The following TRPC4 variants were observed in gnomAD, a reference collection of about 807,000 sequenced individuals.
TRPC4 encodes transient receptor potential cation channel subfamily C member 4.
TRPC4 carries 49 observed loss-of-function variants against 99.4 expected under a neutral mutation model. The observed-to-expected ratio is 0.49, with a 90% CI of 0.39 to 0.63. TRPC4 has a LOEUF of 0.63. Among genes scored for constraint, TRPC4 ranks in the 20% least tolerant of loss-of-function variants. The probability of loss-of-function intolerance (pLI) is 0.00; values close to 1 mark genes in which losing one functional copy is unlikely to be tolerated. For synonymous variants in TRPC4, 454 were observed against 425.9 expected (o/e 1.07, Z -0.81); for missense variants, 898 against 1,152.9 (o/e 0.78, Z 3.20).
chr13:37,834,277 A>G (rs1284958698), intron 1 of TRPC4, among the ~76,000 whole-genome samples: 1 of 152,168 alleles, frequency 6.6e-6, no homozygotes, highest in East Asian at 1.9e-4. Context: ...TCCAAATTCT[A>G]ATTGTTTCCT....
At chr13:37,760,861 A>C (rs1686587659) in intron 2 of TRPC4, among the ~76,000 whole-genome samples, 1 of 151,986 alleles carries the variant, frequency 6.6e-6, no homozygotes, top group South Asian at 2.1e-4. Flanking sequence ...AATAATGATA[A>C]CTTAATATCA....
chr13:37,858,831 A>C, intron 1 of TRPC4, among the ~76,000 whole-genome samples: 1 of 151,332 alleles, frequency 6.6e-6, no homozygotes, highest in East Asian at 1.9e-4. Flanking sequence ...ATGAGCACAA[A>C]AAATAGTTTG....
chr13:37,787,594 T>C (rs1957004584), intron 1 of TRPC4, among the ~76,000 whole-genome samples: 1 of 152,068 alleles, frequency 6.6e-6, no homozygotes, highest in Non-Finnish European at 1.5e-5. Context: ...ATATTGCATA[T>C]GACTGAACTG....
intron 3 of TRPC4, among the ~76,000 whole-genome samples, chr13:37,725,710 C>T (rs1337236420): frequency 6.6e-6 from 1 of 152,076 alleles, no homozygotes; most frequent in African/African-American, 2.4e-5. Context: ...GTCAATCATA[C>T]CTCAAGAAAG....
chr13:37,788,716 TATC>T (rs1957032821), intron 1 of TRPC4, among the ~76,000 whole-genome samples: 1 of 152,062 alleles, frequency 6.6e-6, no homozygotes, highest in African/African-American at 2.4e-5. Context: ...TCCCTATTCT[TATC>T]ATCACTTGCT....
At chr13:37,807,016 G>T (rs934455882) in intron 1 of TRPC4, among the ~76,000 whole-genome samples, 2 of 152,122 alleles carry the variant, frequency 1.3e-5, no homozygotes, top group African/African-American at 4.8e-5. Context: ...TGTCCATGAA[G>T]AAATCTTTAG....
At chr13:37,814,758 A>T (rs928154208) in intron 1 of TRPC4, among the ~76,000 whole-genome samples, 1 of 151,816 alleles carries the variant, frequency 6.6e-6, no homozygotes, top group Non-Finnish European at 1.5e-5. Context: ...ACTAATCATC[A>T]AATTGATCTA....
chr13:37,780,308 AT>A (rs1242242358), intron 2 of TRPC4, among the ~76,000 whole-genome samples: 3 of 151,950 alleles, frequency 2.0e-5, no homozygotes, highest in African/African-American at 7.2e-5. Context: ...TCAGATTTGG[AT>A]TTTTTTTCTT....
At chr13:37,666,045 A>G (rs1952636958) in intron 5 of TRPC4, among the ~76,000 whole-genome samples, 1 of 152,136 alleles carries the variant, frequency 6.6e-6, no homozygotes, top group Non-Finnish European at 1.5e-5. Flanking sequence ...GGATGTTTGA[A>G]TGGGAAACAA....
At chr13:37,811,585 T>C (rs1170033691) in intron 1 of TRPC4, among the ~76,000 whole-genome samples, 1 of 152,114 alleles carries the variant, frequency 6.6e-6, no homozygotes. Flanking sequence ...GTGCAAAGGT[T>C]CAGACATTCT....
At position 37,737,738 on chromosome 13, in the gene TRPC4, G is replaced by A. The variant is rs149104206; in HGVS notation, c.897+8199C>T. ...ATCTGCCTTGCCTCGGCCTCCCAAA[G>A]TGTTGTGATTTCAAGAAGGAGCCAC... On this transcript the variant is annotated intron_variant, in intron 3 of 10. Coordinates refer to ENST00000379705, the MANE Select transcript of TRPC4 (RefSeq NM_016179.4). Among the ~76,000 whole-genome samples, 444 of 152,164 alleles carry A rather than the reference G, an allele frequency of 2.9e-3. 4 individuals carry two copies. The highest frequency in any genetic ancestry group is 0.01 in the African/African-American group (423 of 41,528).
chr13:37,641,138 T>C (rs534704405), intron 8 of TRPC4, among the ~76,000 whole-genome samples: 11 of 152,294 alleles, frequency 7.2e-5, no homozygotes, highest in African/African-American at 2.6e-4. Flanking sequence ...ACAAACTGTC[T>C]TTCCTTCAGT....
intron 1 of TRPC4, among the ~76,000 whole-genome samples, chr13:37,831,600 A>G (rs952309440): frequency 2.0e-5 from 3 of 152,238 alleles, no homozygotes; most frequent in African/African-American, 7.2e-5. Context: ...TTACAGAATT[A>G]TTCACAATAG....
At chr13:37,740,524 G>A (rs959397723) in intron 3 of TRPC4, among the ~76,000 whole-genome samples, 2 of 152,122 alleles carry the variant, frequency 1.3e-5, no homozygotes, top group African/African-American at 4.8e-5. Context: ...GTTTTAAGAA[G>A]ACACAATCCA....
chr13:37,674,953 T>C (rs1952994860), intron 4 of TRPC4, among the ~76,000 whole-genome samples: 1 of 152,212 alleles, frequency 6.6e-6, no homozygotes, highest in African/African-American at 2.4e-5. Context: ...TATTTTCAAA[T>C]TCTATGAAGT....
rs571616693 is a variant in TRPC4 at position 37,829,288 on chromosome 13, T to A, written c.-28+40307A>T. Among the ~76,000 whole-genome samples the A allele has an allele frequency of 2.2e-3, 338 of 152,274 alleles. 3 individuals carry two copies. Among genetic ancestry groups the A allele is most frequent in the African/African-American group, 7.7e-3 (321 of 41,580 alleles). On this transcript the variant is annotated intron_variant, in intron 1 of 10. Coordinates refer to ENST00000379705, the MANE Select transcript of TRPC4 (RefSeq NM_016179.4). ...TAAAAAGGCAAATATTCAGATTTTTTAAAAAATGTGCAAAGAATATAAACA... is the reference window on the plus strand; with the variant it reads ...TAAAAAGGCAAATATTCAGATTTTTAAAAAAATGTGCAAAGAATATAAACA...
rs543914561 is a variant in TRPC4 at position 37,782,859 on chromosome 13, G to A, written c.378+97C>T. On this transcript the variant is annotated intron_variant, in intron 2 of 10. Coordinates refer to ENST00000379705, the MANE Select transcript of TRPC4 (RefSeq NM_016179.4). ...GAAGCTTATATTTCTTAAATTTTCA[G>A]GGCATTTGAAAATCTAAAAAAAAAA... 858 of 1,176,696 alleles carry A rather than the reference G, an allele frequency of 7.3e-4. 15 individuals are homozygous for A. In the South Asian group the frequency reaches 0.013, roughly 18 times the overall value. The allele number at this position is 1,176,696 out of a possible 1,614,324, so 72.9% of individuals were successfully genotyped here.
At chr13:37,732,763 T>C (rs1455189516) in intron 3 of TRPC4, among the ~76,000 whole-genome samples, 2 of 151,774 alleles carry the variant, frequency 1.3e-5, no homozygotes, top group African/African-American at 4.8e-5. Flanking sequence ...ACCATGGAGG[T>C]GAAAGATCTT....
intron 3 of TRPC4, among the ~76,000 whole-genome samples, chr13:37,722,810 T>C (rs1403100314): frequency 6.6e-6 from 1 of 152,042 alleles, no homozygotes; most frequent in African/African-American, 2.4e-5. Context: ...ATTGCAATTA[T>C]TGCATGAAAA....
Sources: gnomAD v4.1 joint callset for allele counts (sites outside exome capture counted in the v4.1 genomes callset) on GRCh38, gnomAD v4.1.1 for gene constraint, MANE v1.5 for transcripts, NCBI Gene and HGNC (gene_info 2026-07-23, HGNC 2026-07-21) for gene names.